AGBL5: variants seen among roughly 807,000 people sequenced by gnomAD.
AGBL5 encodes the protein cytosolic carboxypeptidase-like protein 5.
AGBL5 carries 51 observed loss-of-function variants against 88.0 expected under a neutral mutation model. The observed-to-expected ratio is 0.58, with a 90% confidence interval of 0.46 to 0.73. AGBL5 has a LOEUF of 0.73. Ranked by LOEUF, AGBL5 falls within the 30% of genes least tolerant of loss-of-function variation. The pLI is 0.00. For missense variants in AGBL5, 1,031 were observed against 1,162.2 expected, an observed-to-expected ratio of 0.89 and a Z score of 1.64; for synonymous variants, 446 against 438.8, an observed-to-expected ratio of 1.02 and a Z score of -0.21.
At position 27,055,777 on chromosome 2, in the gene AGBL5, A is replaced by G. The variant is rs1266032765; in HGVS notation, c.1004A>G (p.Tyr335Cys). The change falls in exon 7 of 15, where the codon TAC becomes TGC. Residue 335 changes from tyrosine (Y) to cysteine (C), a missense_variant. Tyr to Cys is a radical substitution (Grantham distance 194). This residue lies in a region of AGBL5 where 540 missense variants were observed against 678.2 expected (regional missense o/e 0.80). Transcript: ENST00000360131. ...TATGGGGCCAAAGCTGTGCTTCTCT[A>G]CCACCATGTGCACTCTCGTCTGAAC... ...AIYGAKAVLLYHHVHSRLNSQ... is the reference protein window; with the variant it reads ...AIYGAKAVLLCHHVHSRLNSQ... The G allele has an allele frequency of 6.2e-7, 1 of 1,614,056 alleles. No individual in the cohort carries two copies. The highest frequency in any genetic ancestry group is 8.5e-7 in the Non-Finnish European group (1 of 1,180,016).
At chr2:27,059,867 G>A (rs1474453209) in intron 11 of AGBL5, among the ~76,000 whole-genome samples, 2 of 152,226 alleles carry the variant, frequency 1.3e-5, no homozygotes, top group African/African-American at 4.8e-5. Flanking sequence ...AGTGATACCG[G>A]GCTGGGTGCA....
intron 11 of AGBL5, among the ~76,000 whole-genome samples, chr2:27,065,526 G>A (rs976055521): frequency 6.6e-6 from 1 of 152,170 alleles, no homozygotes; most frequent in Non-Finnish European, 1.5e-5. Flanking sequence ...TACAGGCACT[G>A]GGATATATAG....
At chr2:27,054,198 G>A (rs1668315676) in intron 4 of AGBL5, 139 bp downstream of exon 4, 4 of 1,112,218 alleles carry the variant, frequency 3.6e-6, no homozygotes, top group Non-Finnish European at 2.5e-6. Flanking sequence ...CAGGACTTTG[G>A]GTACCTTTGA....
rs759707734 is a variant in AGBL5 at position 27,070,229 on chromosome 2, A to T, written c.2627A>T (p.Lys876Ile). 5.0e-6 allele frequency: 8 copies of T among 1,613,966 alleles called. No homozygotes were observed. In the East Asian group the frequency reaches 1.1e-4, roughly 22 times the overall value. ...LGQPEVCFVPKSPPLTVSPRV is the reference protein window; with the variant it reads ...LGQPEVCFVPISPPLTVSPRV Reference sequence around the variant, plus strand: ...CAACCTGAGGTTTGTTTTGTCCCTAAATCTCCCCCACTGACTGTTTCTCCC... The same window carrying T: ...CAACCTGAGGTTTGTTTTGTCCCTATATCTCCCCCACTGACTGTTTCTCCC... The change falls in exon 15 of 15, where the codon AAA (lysine) becomes ATA (isoleucine). Residue 876 changes from lysine (K) to isoleucine (I), a missense_variant. Lys to Ile is a moderately radical substitution (Grantham distance 102). Coordinates refer to ENST00000360131, the MANE Select transcript of AGBL5 (RefSeq NM_021831.6).
chr2:27,063,936 TCACTCTTG>T (rs1168582341), intron 11 of AGBL5, among the ~76,000 whole-genome samples: 4 of 152,334 alleles, frequency 2.6e-5, no homozygotes, highest in South Asian at 4.1e-4. Context: ...GCTGATCACA[TCACTCTTG>T]CACTCTTGCT....
In AGBL5 at chr2:27,067,567, C is replaced by A. The variant is rs957511662; in HGVS notation, c.2163C>A (p.Ser721=). The A allele has an allele frequency of 6.2e-7, 1 of 1,614,126 alleles. No individual in the cohort carries two copies. Among genetic ancestry groups the A allele is most frequent in the Non-Finnish European group, 8.5e-7 (1 of 1,180,044 alleles). ...GTCCTGCAGGCAGCCTCGCTCCATC[C>A]CCAGCTCCTACTAGTTCTGGCCCAG... ...NHRPAGSLAP[S]PAPTSSGPAS... Residue 721 remains serine, a synonymous_variant, in exon 12 of 15, where the codon TCC becomes TCA. Transcript: ENST00000360131.
chr2:27,057,454 G>T lies in AGBL5; in HGVS notation c.1671+16G>T. The stretch of plus-strand genomic sequence containing the variant: ...ATTTGAGCAGGTATGAATACATGGT[G>T]TAAGTGGGAAAAGGGAGAAACCTTA... On this transcript the variant is annotated intron_variant, in intron 9 of 14. Coordinates refer to ENST00000360131, the MANE Select transcript of AGBL5 (RefSeq NM_021831.6). The T allele has an allele frequency of 6.3e-7, 1 of 1,583,938 alleles. No homozygotes were observed. The highest frequency in any genetic ancestry group is 8.6e-7 in the Non-Finnish European group (1 of 1,161,246).
At chr2:27,060,584 C>T (rs1002012897) in intron 11 of AGBL5, among the ~76,000 whole-genome samples, 2 of 152,204 alleles carry the variant, frequency 1.3e-5, no homozygotes, top group African/African-American at 2.4e-5. Context: ...TTAGCTTTTC[C>T]CAGCTTGCAC....
At position 27,070,323 on chromosome 2, in the gene AGBL5, T is replaced by C. The variant is rs1211116182; in HGVS notation, c.*60T>C. The C allele has an allele frequency of 9.7e-6, 15 of 1,538,912 alleles. No homozygotes were observed. Among genetic ancestry groups the C allele is most frequent in the East Asian group, 2.3e-5 (1 of 44,414 alleles). ...CAAGATGGGGTAACAGTGGGAAATATGCTAGTTCCCCTCCAGGCCGCTGAT... is the reference window on the plus strand; with the variant it reads ...CAAGATGGGGTAACAGTGGGAAATACGCTAGTTCCCCTCCAGGCCGCTGAT... On this transcript the variant is annotated 3_prime_UTR_variant, in exon 15 of 15. Transcript: ENST00000360131.
In AGBL5 at chr2:27,055,239, C is replaced by T; in HGVS notation, c.894C>T (p.Val298=). Residue 298 remains valine, a synonymous_variant, in exon 6 of 15, where the codon GTC becomes GTT. Transcript: ENST00000360131. ...CCATGTTGAACCCCGATGGTGTGGT[C>T]CGGGGACACTACCGGTAAGTGGCTT... ...LIPMLNPDGV[V]RGHYRTDSRG... is the part of the protein sequence containing the mutation. The T allele has an allele frequency of 6.2e-7, 1 of 1,614,140 alleles. No individual in the cohort carries two copies. Among genetic ancestry groups the T allele is most frequent in the Non-Finnish European group, 8.5e-7 (1 of 1,180,006 alleles).
At chr2:27,057,463 A>G in intron 9 of AGBL5, 25 bp downstream of exon 9, 1 of 1,573,326 alleles carries the variant, frequency 6.4e-7, no homozygotes, top group Non-Finnish European at 8.7e-7. Flanking sequence ...TGTAAGTGGG[A>G]AAAGGGAGAA....
chr2:27,059,092 T>C, intron 10 of AGBL5, 98 bp from the exon 11 acceptor site: 1 of 1,232,952 alleles, frequency 8.1e-7, no homozygotes, highest in East Asian at 2.3e-5. Flanking sequence ...TGTGCCTTTT[T>C]ACCCCAGAGG....
chr2:27,056,896 T>G, intron 8 of AGBL5, 104 bp downstream of exon 8: 1 of 1,318,578 alleles, frequency 7.6e-7, no homozygotes, highest in East Asian at 2.5e-5. Context: ...CTGAGGAGGC[T>G]GAGGCAGGAG....
intron 13 of AGBL5, chr2:27,069,184 G>A: frequency 7.4e-7 from 1 of 1,346,750 alleles, no homozygotes; most frequent in South Asian, 1.2e-5. Context: ...CTGAGTATAG[G>A]CAGAGGCTGA....
In AGBL5 at chr2:27,057,448, C is replaced by G. The variant is rs1175216610; in HGVS notation, c.1671+10C>G. 2 of 1,594,742 alleles carry G rather than the reference C, an allele frequency of 1.3e-6. No individual in the cohort carries two copies. Among genetic ancestry groups the G allele is most frequent in the Non-Finnish European group, 8.6e-7 (1 of 1,168,220 alleles). Reference sequence around the variant, plus strand: ...GGAACTATTTGAGCAGGTATGAATACATGGTGTAAGTGGGAAAAGGGAGAA... The same window carrying G: ...GGAACTATTTGAGCAGGTATGAATAGATGGTGTAAGTGGGAAAAGGGAGAA... On this transcript the variant is annotated intron_variant, in intron 9 of 14. Coordinates refer to ENST00000360131, the MANE Select transcript of AGBL5 (RefSeq NM_021831.6).
In AGBL5 at chr2:27,052,944, T is replaced by C. The variant is rs761389547; in HGVS notation, c.-15T>C. 1.0e-5 allele frequency: 16 copies of C among 1,578,032 alleles called. No individual in the cohort carries two copies. Among genetic ancestry groups the C allele is most frequent in the South Asian group, 3.5e-5 (3 of 86,766 alleles). On this transcript the variant is annotated 5_prime_UTR_variant, in exon 2 of 15. Transcript: ENST00000360131. Reference sequence around the variant, plus strand: ...GGGCCAGAGCGGGGCAGGAGGATGCTTTCCCAGCCCCACCATGGAGCTGCG... The same window carrying C: ...GGGCCAGAGCGGGGCAGGAGGATGCCTTCCCAGCCCCACCATGGAGCTGCG...
chr2:27,055,038 G>A, intron 5 of AGBL5, 37 bp from the exon 6 acceptor site: 1 of 1,598,170 alleles, frequency 6.3e-7, no homozygotes, highest in Non-Finnish European at 8.6e-7. Context: ...GAACTACAGG[G>A]TAACTGACTT....
In AGBL5 at chr2:27,070,385, C is replaced by A; in HGVS notation, c.*122C>A. The A allele has an allele frequency of 9.7e-7, 1 of 1,033,874 alleles. No individual in the cohort carries two copies. Among genetic ancestry groups the A allele is most frequent in the Non-Finnish European group, 1.5e-6 (1 of 687,908 alleles). The allele number at this position is 1,033,874 out of a possible 1,614,324, so 64.0% of individuals were successfully genotyped here. On this transcript the variant is annotated 3_prime_UTR_variant, in exon 15 of 15. Transcript: ENST00000360131. ...GCCGTTAAGTCCTTGGAATGCCAGCCACGCTGTCCAAGGCATTACAGAGTA... is the reference window on the plus strand; with the variant it reads ...GCCGTTAAGTCCTTGGAATGCCAGCAACGCTGTCCAAGGCATTACAGAGTA...
upstream of AGBL5, chr2:27,051,331 G>A (rs1668129969): frequency 6.6e-6 from 1 of 152,244 alleles, no homozygotes; most frequent in Non-Finnish European, 1.5e-5. Flanking sequence ...AAACGGGAGG[G>A]ATTCCCGGCG....
Sources: allele counts gnomAD v4.1 joint callset (sites outside exome capture counted in the v4.1 genomes callset), GRCh38; gene constraint gnomAD v4.1.1; regional missense constraint gnomAD v4.1.1; transcripts MANE v1.5; gene names NCBI Gene and HGNC (gene_info 2026-07-23, HGNC 2026-07-21).